The following SAMD5 variants were observed in gnomAD, a reference collection of about 807,000 sequenced individuals.
SAMD5 encodes the protein sterile alpha motif domain containing 5, also known as sterile alpha motif domain-containing protein 5.
In SAMD5, 13 loss-of-function variants were observed where a neutral mutation model predicts 11.3. The observed-to-expected ratio is 1.15, with a 90% confidence interval of 0.75 to 1.83. The LOEUF (loss-of-function observed/expected upper bound fraction) is 1.83, where lower values mean the gene tolerates loss of function less well. Among genes scored for constraint, SAMD5 ranks in the 40% most tolerant of loss-of-function variants. The pLI, the probability that SAMD5 is intolerant of heterozygous loss-of-function variation, is 0.00. For missense variants in SAMD5, 255 were observed against 239.1 expected (o/e 1.07, Z -0.44); for synonymous variants, 129 against 111.3 (o/e 1.16, Z -1.00).
Position 147,567,902 on chromosome 6 carries a change from C to G in SAMD5, c.*3446C>G. On this transcript the variant is annotated 3_prime_UTR_variant, in exon 2 of 2. Coordinates refer to ENST00000367474, the MANE Select transcript of SAMD5 (RefSeq NM_001030060.3). ...AACAATAACACTCCATCCTGGGCAA[C>G]AGAGCAAGATCCCGTCTCAAAACAA... 8.1e-6 allele frequency: 8 copies of G among 985,934 alleles called. No homozygotes were observed. The highest frequency in any genetic ancestry group is 9.6e-6 in the Non-Finnish European group (8 of 830,400). 61.1% of individuals were successfully genotyped at this position (985,934 alleles called of 1,614,324 possible).
chr6:147,935,467 G>A, the SAMD5 span, among the ~76,000 whole-genome samples: 1 of 152,072 alleles, frequency 6.6e-6, no homozygotes, highest in African/African-American at 2.4e-5. Context: ...AGTAGAGAAG[G>A]AATAACATAA....
intron 1 of SAMD5, among the ~76,000 whole-genome samples, chr6:147,672,143 T>C (rs1181973377): frequency 1.3e-5 from 2 of 152,064 alleles, no homozygotes; most frequent in Non-Finnish European, 2.9e-5. Context: ...TGTGTACTTT[T>C]GTTATTTGTC....
At chr6:147,932,859 G>T in the SAMD5 span, among the ~76,000 whole-genome samples, 1 of 152,114 alleles carries the variant, frequency 6.6e-6, no homozygotes, top group African/African-American at 2.4e-5. Context: ...GATGACTGAT[G>T]TGCTTTTCTT....
chr6:147,715,601 G>A (rs1309310132), intron 1 of SAMD5, among the ~76,000 whole-genome samples: 1 of 152,200 alleles, frequency 6.6e-6, no homozygotes, highest in Non-Finnish European at 1.5e-5. Flanking sequence ...CGAGCAAGGG[G>A]CATGTTTCAG....
At chr6:147,831,153 A>C in the SAMD5 span, among the ~76,000 whole-genome samples, 4 of 152,254 alleles carry the variant, frequency 2.6e-5, no homozygotes, top group African/African-American at 7.2e-5. Context: ...CATAAGTCAC[A>C]AAAGTCAAAG....
chr6:147,509,380 C>T lies in SAMD5; in HGVS notation c.452C>T (p.Ser151Phe). Reference protein sequence around the residue: ...DGIHLSKPPYSRKVPMAGILE... With the variant: ...DGIHLSKPPYFRKVPMAGILE... ...ATCCACCTGAGCAAGCCCCCGTACTCCCGCAAGGTAAGGAGGTGCCGTCCG... is the reference window on the plus strand; with the variant it reads ...ATCCACCTGAGCAAGCCCCCGTACTTCCGCAAGGTAAGGAGGTGCCGTCCG... Residue 151 changes from serine to phenylalanine, a missense_variant, in exon 1 of 2, where the codon TCC becomes TTC. Physicochemically the swap from Ser to Phe is radical, Grantham distance 155. Transcript: ENST00000367474. The T allele has an allele frequency of 1.3e-6, 2 of 1,547,406 alleles. No homozygotes were observed. The highest frequency in any genetic ancestry group is 1.7e-6 in the Non-Finnish European group (2 of 1,148,224).
rs1790693261 is a variant in SAMD5, at chr6:147,664,777, T to C, written c.163-72540T>C. Among the ~76,000 whole-genome samples, 4 of 152,208 alleles carry C rather than the reference T, an allele frequency of 2.6e-5. No homozygotes were observed. The South Asian group carries it at 6.2e-4, about 24-fold the overall frequency. ...AATTCAGAAGCATAAAGTATCTAGG[T>C]TTTTGGAGTTTTTTGCAACTAGAAA... On this transcript the variant is annotated intron_variant, in intron 1 of 1. Transcript: ENST00000566741.
the SAMD5 span, among the ~76,000 whole-genome samples, chr6:147,790,746 CTCTCTCTCTT>C: frequency 0.14 from 14,621 of 101,348 alleles, 1,009 homozygotes; most frequent in African/African-American, 0.2. Flanking sequence ...CTCTCTCTCT[CTCTCTCTCTT>C]TCTCTCTCTC....
the SAMD5 span, among the ~76,000 whole-genome samples, chr6:147,909,639 T>TCTCTCTC: frequency 1.9e-4 from 27 of 138,904 alleles, no homozygotes; most frequent in African/African-American, 5.3e-4. Flanking sequence ...TTTCTCTTTC[T>TCTCTCTC]TGTCTTTTGT....
chr6:147,723,566 T>TA (rs1286422879), intron 1 of SAMD5, among the ~76,000 whole-genome samples: 1 of 152,194 alleles, frequency 6.6e-6, no homozygotes, highest in Non-Finnish European at 1.5e-5. Flanking sequence ...TCCCTGGCCC[T>TA]CAATCTTGTT....
At chr6:147,751,671 A>T in the SAMD5 span, among the ~76,000 whole-genome samples, 3 of 152,210 alleles carry the variant, frequency 2.0e-5, no homozygotes, top group Non-Finnish European at 4.4e-5. Context: ...CCCCGTAAAA[A>T]AATGGATCAA....
At chr6:147,702,642 G>A (rs896886719) in intron 1 of SAMD5, among the ~76,000 whole-genome samples, 1 of 152,192 alleles carries the variant, frequency 6.6e-6, no homozygotes, top group Non-Finnish European at 1.5e-5. Flanking sequence ...CCATTTTGTG[G>A]TCAGATGATT....
rs1331955738 is a variant in SAMD5, at chr6:147,509,003, C to T, written c.75C>T (p.Asn25=). ...LPQYAESFVD[N]GYDDLEVCKQ... ...AGTACGCGGAGTCCTTCGTGGATAACGGCTACGATGACCTGGAGGTGTGCA... is the reference window on the plus strand; with the variant it reads ...AGTACGCGGAGTCCTTCGTGGATAATGGCTACGATGACCTGGAGGTGTGCA... The change falls in exon 1 of 2, where the codon AAC becomes AAT. Residue 25 remains asparagine (N), a synonymous_variant. Coordinates refer to ENST00000367474, the MANE Select transcript of SAMD5 (RefSeq NM_001030060.3). The T allele has an allele frequency of 4.4e-6, 7 of 1,604,690 alleles. No individual in the cohort carries two copies. The highest frequency in any genetic ancestry group is 6.0e-6 in the Non-Finnish European group (7 of 1,176,218).
chr6:147,759,932 C>A, the SAMD5 span, among the ~76,000 whole-genome samples: 5 of 151,780 alleles, frequency 3.3e-5, no homozygotes, highest in Admixed American at 1.3e-4. Context: ...TTAAGTACAA[C>A]CTCATGAAAA....
chr6:147,610,333 A>G (rs1370193283), intron 1 of SAMD5, among the ~76,000 whole-genome samples: 1 of 152,160 alleles, frequency 6.6e-6, no homozygotes, highest in African/African-American at 2.4e-5. Context: ...TGTCCCCTCT[A>G]AACAAGAGAC....
At chr6:147,535,898 C>T (rs139009289) in intron 1 of SAMD5, among the ~76,000 whole-genome samples, 68 of 152,246 alleles carry the variant, frequency 4.5e-4, no homozygotes, top group Non-Finnish European at 7.5e-4. Context: ...GGCCAGATGC[C>T]GTAACGGGCT....
chr6:147,820,187 T>C, the SAMD5 span, among the ~76,000 whole-genome samples: 1 of 152,222 alleles, frequency 6.6e-6, no homozygotes, highest in Non-Finnish European at 1.5e-5. Flanking sequence ...TTATTTCTTA[T>C]TCACCTGCTT....
At chr6:147,786,249 C>T in the SAMD5 span, among the ~76,000 whole-genome samples, 1 of 152,112 alleles carries the variant, frequency 6.6e-6, no homozygotes, top group Non-Finnish European at 1.5e-5. Flanking sequence ...TGTGAAATAC[C>T]TAGTTTTGAT....
the SAMD5 span, among the ~76,000 whole-genome samples, chr6:147,896,763 A>C: frequency 7.1e-6 from 1 of 141,394 alleles, no homozygotes; most frequent in Non-Finnish European, 1.6e-5. Context: ...AAAAAAAAAA[A>C]CGCATCACCA....
Sources: gnomAD v4.1 joint callset for allele counts (sites outside exome capture counted in the v4.1 genomes callset) on GRCh38, gnomAD v4.1.1 for gene constraint, MANE v1.5 for transcripts, NCBI Gene and HGNC (gene_info 2026-07-23, HGNC 2026-07-21) for gene names.